Variants in RBFOX1 observed in about 807,000 individuals in gnomAD.
The protein encoded by RBFOX1 is RNA binding protein fox-1 homolog 1.
In RBFOX1, 8 loss-of-function variants were observed where a neutral mutation model predicts 57.7. The ratio of observed to expected loss-of-function variants is 0.14; its 90% CI spans 0.08 to 0.25. The LOEUF (loss-of-function observed/expected upper bound fraction) is 0.25, where lower values mean the gene tolerates loss of function less well. RBFOX1 is among the 10% of genes least tolerant of loss of function. RBFOX1 has a pLI of 1.00. For missense variants in RBFOX1, 611 were observed against 548.5 expected, an observed-to-expected ratio of 1.11 and a Z score of -1.14; for synonymous variants, 326 against 222.4, an observed-to-expected ratio of 1.47 and a Z score of -4.15.
At chr16:6,069,155 T>A (rs886206641) in intron 1 of RBFOX1, among the ~76,000 whole-genome samples, 1 of 151,864 alleles carries the variant, frequency 6.6e-6, no homozygotes, top group African/African-American at 2.4e-5. Flanking sequence ...TCCCAGCACT[T>A]TGGGAGGCCG....
rs868133816 is a variant in RBFOX1 at position 6,176,310 on chromosome 16, C to T, written c.-126-140685C>T. 2.1e-3 allele frequency among the ~76,000 whole-genome samples: 251 copies of T among 120,076 alleles called. 1 individual carries two copies. The highest frequency in any genetic ancestry group is 8.4e-3 in the African/African-American group (230 of 27,422). 78.8% of individuals were successfully genotyped at this position (120,076 alleles called of 152,430 possible). On this transcript the variant is annotated intron_variant, in intron 1 of 15. Transcript: ENST00000550418. ...ACAGGTGCCCACCGCCATGCCTGACCAAATTTTTTTTTTTTTTTTTTTTTT... is the reference window on the plus strand; with the variant it reads ...ACAGGTGCCCACCGCCATGCCTGACTAAATTTTTTTTTTTTTTTTTTTTTT...
At chr16:7,265,337 G>C (rs1202835682) in intron 4 of RBFOX1, among the ~76,000 whole-genome samples, 4 of 152,142 alleles carry the variant, frequency 2.6e-5, no homozygotes, top group African/African-American at 9.7e-5. Flanking sequence ...CCTTGGCAGA[G>C]AGAAAGAGAG....
chr16:7,225,018 C>T (rs2093003245), intron 4 of RBFOX1, among the ~76,000 whole-genome samples: 1 of 152,174 alleles, frequency 6.6e-6, no homozygotes, highest in South Asian at 2.1e-4. Flanking sequence ...ATTTTTGTGA[C>T]ATACTTCTCC....
intron 2 of RBFOX1, among the ~76,000 whole-genome samples, chr16:5,468,905 G>A (rs1039387128): frequency 3.3e-5 from 5 of 152,196 alleles, no homozygotes; most frequent in African/African-American, 7.2e-5. Context: ...TTGGCTTCCC[G>A]CCCCGTCCCT....
intron 1 of RBFOX1, among the ~76,000 whole-genome samples, chr16:6,235,143 T>G (rs1378441154): frequency 6.6e-6 from 1 of 152,192 alleles, no homozygotes; most frequent in Non-Finnish European, 1.5e-5. Context: ...ACTCAATTAT[T>G]GGCCTGAAAT....
At chr16:6,135,092 G>C (rs550258444) in intron 1 of RBFOX1, among the ~76,000 whole-genome samples, 1 of 152,138 alleles carries the variant, frequency 6.6e-6, no homozygotes, top group African/African-American at 2.4e-5. Flanking sequence ...GAGAACATGT[G>C]GTGTTTGGTA....
At chr16:7,176,918 C>T (rs1282429453) in intron 4 of RBFOX1, among the ~76,000 whole-genome samples, 1 of 152,022 alleles carries the variant, frequency 6.6e-6, no homozygotes, top group East Asian at 1.9e-4. Flanking sequence ...CATTTAAATG[C>T]CTCTAATCTC....
intron 5 of RBFOX1, among the ~76,000 whole-genome samples, chr16:7,532,473 G>C (rs1164828890): frequency 2.0e-5 from 3 of 152,192 alleles, no homozygotes; most frequent in South Asian, 2.1e-4. Context: ...TGACAGAGAA[G>C]ACCAGAGGGG....
At chr16:7,207,561 G>A (rs562179547) in intron 4 of RBFOX1, among the ~76,000 whole-genome samples, 39 of 152,246 alleles carry the variant, frequency 2.6e-4, no homozygotes, top group African/African-American at 9.1e-4. Context: ...TTGGATTAAC[G>A]ACTGATCTTG....
chr16:5,857,631 C>G (rs4786063), intron 3 of RBFOX1, among the ~76,000 whole-genome samples: 19,906 of 152,116 alleles, frequency 0.13, 1,752 homozygotes, highest in Non-Finnish European at 0.19. Context: ...TGTTAGACAG[C>G]TAGGTTGTTA....
At chr16:7,119,195 C>T (rs2066565763) in intron 4 of RBFOX1, among the ~76,000 whole-genome samples, 1 of 152,116 alleles carries the variant, frequency 6.6e-6, no homozygotes, top group Non-Finnish European at 1.5e-5. Flanking sequence ...GAAATCCCAC[C>T]CACAAGCAAT....
intron 2 of RBFOX1, among the ~76,000 whole-genome samples, chr16:6,436,830 T>A (rs1434793412): frequency 6.6e-6 from 1 of 152,050 alleles, no homozygotes. Flanking sequence ...TAAATTAGGG[T>A]TATGGAAAAG....
Position 6,084,135 on chromosome 16 carries a change from C to G in RBFOX1, c.-127+64143C>G, listed in dbSNP as rs564997190. Among the ~76,000 whole-genome samples the G allele has an allele frequency of 3.9e-5, 6 of 152,334 alleles. No homozygotes were observed. In the East Asian group the frequency reaches 1.2e-3, roughly 29 times the overall value. On this transcript the variant is annotated intron_variant, in intron 1 of 15. Coordinates refer to ENST00000550418, the MANE Select transcript of RBFOX1 (RefSeq NM_018723.4). ...AAATACGGCCAATAATAATACCTCCCTCTTAGGGCACTCTGAGCAGTCATT... is the reference window on the plus strand; with the variant it reads ...AAATACGGCCAATAATAATACCTCCGTCTTAGGGCACTCTGAGCAGTCATT...
intron 2 of RBFOX1, among the ~76,000 whole-genome samples, chr16:5,591,696 T>C (rs569122472): frequency 6.6e-6 from 1 of 152,342 alleles, no homozygotes; most frequent in South Asian, 2.1e-4. Context: ...TTTCTCCCCG[T>C]CATTCCATAT....
intron 3 of RBFOX1, among the ~76,000 whole-genome samples, chr16:5,721,939 G>C (rs1029945804): frequency 3.9e-5 from 6 of 152,192 alleles, no homozygotes; most frequent in African/African-American, 1.4e-4. Context: ...CCTTTATTGA[G>C]GGGAGAAAGC....
At chr16:6,736,148 G>A (rs1338400195) in intron 3 of RBFOX1, among the ~76,000 whole-genome samples, 1 of 152,024 alleles carries the variant, frequency 6.6e-6, no homozygotes, top group African/African-American at 2.4e-5. Flanking sequence ...TGTTACCATG[G>A]AAAACCAGTT....
intron 3 of RBFOX1, among the ~76,000 whole-genome samples, chr16:6,901,014 C>G (rs926219629): frequency 6.6e-6 from 1 of 152,150 alleles, no homozygotes; most frequent in African/African-American, 2.4e-5. Flanking sequence ...CCTGATATCC[C>G]TCCCATTCAC....
intron 3 of RBFOX1, among the ~76,000 whole-genome samples, chr16:5,683,700 G>C (rs1033921001): frequency 1.3e-5 from 2 of 151,194 alleles, no homozygotes; most frequent in Admixed American, 6.6e-5. Context: ...GTGGTCTTGT[G>C]ATCATGTAAG....
intron 2 of RBFOX1, among the ~76,000 whole-genome samples, chr16:6,579,678 CT>C (rs1392356688): frequency 1.2e-4 from 18 of 152,168 alleles, no homozygotes; most frequent in Non-Finnish European, 2.2e-4. Context: ...AGTTATACCT[CT>C]TTCCTTTATA....
Sources: gnomAD v4.1 joint callset for allele counts (sites outside exome capture counted in the v4.1 genomes callset) on GRCh38, gnomAD v4.1.1 for gene constraint, MANE v1.5 for transcripts, NCBI Gene and HGNC (gene_info 2026-07-23, HGNC 2026-07-21) for gene names.